The following CLDN18 variants were observed in gnomAD, a reference collection of about 807,000 sequenced individuals.
CLDN18 encodes the protein claudin-18.
CLDN18 carries 20 observed loss-of-function variants against 25.0 expected under a neutral mutation model. The observed-to-expected ratio is 0.80, with a 90% confidence interval of 0.56 to 1.16. The LOEUF (loss-of-function observed/expected upper bound fraction) is 1.16. Ranked by LOEUF, CLDN18 falls within the 50% of genes most tolerant of loss-of-function variation. CLDN18 has a pLI of 0.00. For missense variants in CLDN18, 297 were observed against 345.4 expected, an observed-to-expected ratio of 0.86 and a Z score of 1.11; for synonymous variants, 125 against 135.6, an observed-to-expected ratio of 0.92 and a Z score of 0.54.
intron 1 of CLDN18, among the ~76,000 whole-genome samples, chr3:138,000,656 A>G (rs1360048577): frequency 6.6e-5 from 10 of 152,198 alleles, no homozygotes. Context: ...AACCAAAGTG[A>G]GAAGGAGGGA....
In CLDN18 at chr3:138,033,601, T is replaced by A. The variant is rs1942421960; in HGVS notation, c.*2460T>A. On this transcript the variant is annotated 3_prime_UTR_variant, in exon 5 of 5. Transcript: ENST00000183605. ...ATCTTATTGTATATGCATTGAGTAT[T>A]AACCTGAATGTTTTGTTACTTAAAT... 2 of 152,256 alleles carry A rather than the reference T, an allele frequency of 1.3e-5. No homozygotes were observed. The highest frequency in any genetic ancestry group is 2.9e-5 in the Non-Finnish European group (2 of 68,042). The allele number at this position is 152,256 out of a possible 1,614,324, so 9.4% of individuals were successfully genotyped here.
intron 1 of CLDN18, 72 bp downstream of exon 1, chr3:138,010,517 C>A: frequency 6.4e-7 from 1 of 1,568,752 alleles, no homozygotes; most frequent in East Asian, 2.3e-5. Context: ...TGCGTTAAGC[C>A]CCACTCCCAC....
intron 1 of CLDN18, among the ~76,000 whole-genome samples, chr3:138,002,162 C>T (rs1173927086): frequency 1.3e-5 from 2 of 152,246 alleles, no homozygotes; most frequent in African/African-American, 4.8e-5. Flanking sequence ...GAAGCATTCT[C>T]TGATGTCTGG....
intron 4 of CLDN18, among the ~76,000 whole-genome samples, chr3:138,030,157 T>A (rs1204365552): frequency 1.3e-5 from 2 of 152,260 alleles, no homozygotes; most frequent in Non-Finnish European, 2.9e-5. Context: ...GAGATTGTTT[T>A]GTAACTCCAT....
chr3:138,025,245 C>T (rs1162435048), intron 3 of CLDN18, among the ~76,000 whole-genome samples: 1 of 152,146 alleles, frequency 6.6e-6, no homozygotes, highest in Non-Finnish European at 1.5e-5. Context: ...GTTCAGAGTG[C>T]TGGAGATACA....
At chr3:138,020,815 C>G (rs1010372203) in intron 1 of CLDN18, among the ~76,000 whole-genome samples, 3 of 152,170 alleles carry the variant, frequency 2.0e-5, no homozygotes, top group African/African-American at 7.2e-5. Flanking sequence ...GGTTGAGTCT[C>G]CAAATTTGGA....
At chr3:138,001,084 T>TG (rs1942010746) in intron 1 of CLDN18, among the ~76,000 whole-genome samples, 1 of 152,260 alleles carries the variant, frequency 6.6e-6, no homozygotes, top group Non-Finnish European at 1.5e-5. Flanking sequence ...GTTAGTTTGG[T>TG]ACTACAATTA....
chr3:138,009,502 G>A (rs1030097205), upstream of CLDN18, among the ~76,000 whole-genome samples: 1 of 152,142 alleles, frequency 6.6e-6, no homozygotes, highest in African/African-American at 2.4e-5. Context: ...TCTCAAAAGT[G>A]GGGACAATTT....
At chr3:138,029,210 A>G (rs937294235) in intron 3 of CLDN18, among the ~76,000 whole-genome samples, 35 of 152,126 alleles carry the variant, frequency 2.3e-4, no homozygotes, top group African/African-American at 8.2e-4. Context: ...CAATGGCACA[A>G]TCTCAGCTCA....
chr3:138,031,178 C>T lies in CLDN18; in HGVS notation c.*37C>T. 6.6e-7 allele frequency: 1 copy of T among 1,514,312 alleles called. No homozygotes were observed. Among genetic ancestry groups the T allele is most frequent in the Non-Finnish European group, 8.9e-7 (1 of 1,120,320 alleles). The allele number at this position is 1,514,312 out of a possible 1,614,324, so 93.8% of individuals were successfully genotyped here. Reference sequence around the variant, plus strand: ...CTCTCAGCACGGGCGGAAGAAACTCCCGGAGAGCTCACCCAAAAAACAAGG... The same window carrying T: ...CTCTCAGCACGGGCGGAAGAAACTCTCGGAGAGCTCACCCAAAAAACAAGG... On this transcript the variant is annotated 3_prime_UTR_variant, in exon 5 of 5. Coordinates refer to ENST00000183605, the MANE Select transcript of CLDN18 (RefSeq NM_016369.4).
intron 1 of CLDN18, among the ~76,000 whole-genome samples, chr3:138,002,611 C>T (rs937888028): frequency 1.3e-5 from 2 of 152,188 alleles, no homozygotes; most frequent in Non-Finnish European, 2.9e-5. Flanking sequence ...TTCTCATTTC[C>T]ATTGAAATGA....
chr3:138,028,355 A>G (rs1942351568), intron 3 of CLDN18, among the ~76,000 whole-genome samples: 1 of 152,148 alleles, frequency 6.6e-6, no homozygotes, highest in African/African-American at 2.4e-5. Flanking sequence ...GTGAGCCACC[A>G]CACCCAGCCA....
chr3:138,002,233 A>C (rs1307358330), intron 1 of CLDN18, among the ~76,000 whole-genome samples: 2 of 152,138 alleles, frequency 1.3e-5, no homozygotes, highest in Admixed American at 1.3e-4. Context: ...TTAAGGAAAG[A>C]TTGTATTGTG....
At chr3:138,015,446 G>T (rs942692710) in intron 1 of CLDN18, among the ~76,000 whole-genome samples, 5 of 152,224 alleles carry the variant, frequency 3.3e-5, no homozygotes, top group Admixed American at 2.6e-4. Context: ...ATGTAAGTTT[G>T]CAATGATTCT....
chr3:138,029,160 T>A (rs1942359657), intron 3 of CLDN18, among the ~76,000 whole-genome samples: 1 of 152,174 alleles, frequency 6.6e-6, no homozygotes, highest in Non-Finnish European at 1.5e-5. Context: ...GAGATTGATT[T>A]TTTTTTTCAG....
intron 1 of CLDN18, among the ~76,000 whole-genome samples, chr3:138,016,238 T>G (rs1277910080): frequency 6.6e-6 from 1 of 152,070 alleles, no homozygotes; most frequent in East Asian, 1.9e-4. Flanking sequence ...AAACAGGAAG[T>G]GAACACAAGG....
At position 138,027,139 on chromosome 3, in the gene CLDN18, A is replaced by C. The variant is rs559292046; in HGVS notation, c.503+2415A>C. 3.9e-5 allele frequency among the ~76,000 whole-genome samples: 6 copies of C among 152,280 alleles called. No homozygotes were observed. In the East Asian group the frequency reaches 1.2e-3, roughly 29 times the overall value. ...TCTGCTTTTCCAGCTTTGTGTAAAA[A>C]ATCAGAAGATCTGGCAGCATTACAC... On this transcript the variant is annotated intron_variant, in intron 3 of 4. Transcript: ENST00000183605.
In CLDN18 at chr3:138,024,611, T is replaced by C; in HGVS notation, c.390T>C (p.Leu130=). 1 of 1,600,224 alleles carries C rather than the reference T, an allele frequency of 6.2e-7. No individual in the cohort carries two copies. The highest frequency in any genetic ancestry group is 1.1e-5 in the South Asian group (1 of 90,778). The change falls in exon 3 of 5, where the codon CTT becomes CTC. Residue 130 remains leucine, a synonymous_variant. Coordinates refer to ENST00000183605, the MANE Select transcript of CLDN18 (RefSeq NM_016369.4). ...TTTCTTTTTCTTTGCCCACAGGTCTTTGTGCAATTGCTGGAGTGTCTGTGT... is the reference window on the plus strand; with the variant it reads ...TTTCTTTTTCTTTGCCCACAGGTCTCTGTGCAATTGCTGGAGTGTCTGTGT... ...TSGIMFIVSG[L]CAIAGVSVFA...
chr3:138,012,792 A>AT (rs2107879885), intron 1 of CLDN18, among the ~76,000 whole-genome samples: 1 of 152,354 alleles, frequency 6.6e-6, no homozygotes, highest in African/African-American at 2.4e-5. Flanking sequence ...GGGGACAGGC[A>AT]TGTGTGTGAA....
Sources: gnomAD v4.1 joint callset for allele counts (sites outside exome capture counted in the v4.1 genomes callset) on GRCh38, gnomAD v4.1.1 for gene constraint, MANE v1.5 for transcripts, NCBI Gene and HGNC (gene_info 2026-07-23, HGNC 2026-07-21) for gene names.